TRAF3: variants seen among roughly 807,000 people sequenced by gnomAD.
TRAF3 encodes the protein TNF receptor-associated factor 3.
TRAF3 carries 13 observed loss-of-function variants against 62.3 expected under a neutral mutation model. The ratio of observed to expected loss-of-function variants is 0.21; its 90% confidence interval spans 0.14 to 0.33. The LOEUF (loss-of-function observed/expected upper bound fraction) is 0.33, where lower values mean the gene tolerates loss of function less well. Among genes scored for constraint, TRAF3 ranks in the 10% least tolerant of loss-of-function variants. The pLI is 1.00. For missense variants in TRAF3, 440 were observed against 741.8 expected (o/e 0.59, Z 4.73); for synonymous variants, 269 against 283.4 (o/e 0.95, Z 0.51).
intron 1 of TRAF3, among the ~76,000 whole-genome samples, chr14:102,779,115 C>T (rs1897163190): frequency 6.6e-6 from 1 of 152,142 alleles, no homozygotes; most frequent in South Asian, 2.1e-4. Context: ...TGACGGAAAC[C>T]CTGACAGACC....
At chr14:102,822,285 C>G (rs1246100300) in intron 1 of TRAF3, among the ~76,000 whole-genome samples, 1 of 152,060 alleles carries the variant, frequency 6.6e-6, no homozygotes, top group Non-Finnish European at 1.5e-5. Context: ...TTGGAAAAAC[C>G]ATTTCACCAT....
intron 7 of TRAF3, among the ~76,000 whole-genome samples, chr14:102,887,988 T>A (rs1889496652): frequency 6.6e-6 from 1 of 152,100 alleles, no homozygotes; most frequent in Admixed American, 6.6e-5. Flanking sequence ...TTGCCCCTAT[T>A]CCAGAGATCC....
At chr14:102,833,251 G>C (rs1885761654) in intron 2 of TRAF3, among the ~76,000 whole-genome samples, 2 of 152,200 alleles carry the variant, frequency 1.3e-5, no homozygotes, top group Admixed American at 1.3e-4. Flanking sequence ...ACTGGACACA[G>C]ACGCTTTCCT....
chr14:102,787,497 T>C (rs1052060433), intron 1 of TRAF3, among the ~76,000 whole-genome samples: 3 of 145,356 alleles, frequency 2.1e-5, no homozygotes, highest in Non-Finnish European at 4.5e-5. Flanking sequence ...GCCAACATGG[T>C]AAAACCCCAT....
chr14:102,904,293 TC>T (rs1466981054), intron 11 of TRAF3, among the ~76,000 whole-genome samples: 1 of 152,218 alleles, frequency 6.6e-6, no homozygotes, highest in Non-Finnish European at 1.5e-5. Context: ...CCTGGGCTCT[TC>T]CCTGGGAGGC....
intron 1 of TRAF3, among the ~76,000 whole-genome samples, chr14:102,821,100 A>G (rs1483184995): frequency 6.6e-6 from 1 of 152,140 alleles, no homozygotes; most frequent in Non-Finnish European, 1.5e-5. Context: ...AGCAAATATC[A>G]CTGTGTGTTC....
At chr14:102,817,092 A>T (rs56831838) in intron 1 of TRAF3, among the ~76,000 whole-genome samples, 1 of 152,156 alleles carries the variant, frequency 6.6e-6, no homozygotes, top group Non-Finnish European at 1.5e-5. Flanking sequence ...CCAAGGGCTC[A>T]GTGTTGGACC....
At chr14:102,899,867 A>T (rs984823669) in intron 10 of TRAF3, among the ~76,000 whole-genome samples, 2 of 152,144 alleles carry the variant, frequency 1.3e-5, no homozygotes, top group African/African-American at 4.8e-5. Flanking sequence ...CTTCTTAAAT[A>T]TCCTGTTTTT....
intron 1 of TRAF3, among the ~76,000 whole-genome samples, chr14:102,784,233 T>C: frequency 1.1e-5 from 1 of 93,052 alleles, no homozygotes; most frequent in South Asian, 4.6e-4. Context: ...TTTTTTTTTT[T>C]TTTTTTTTTG....
intron 1 of TRAF3, among the ~76,000 whole-genome samples, chr14:102,828,754 A>G (rs1265326331): frequency 6.6e-6 from 1 of 152,216 alleles, no homozygotes; most frequent in Non-Finnish European, 1.5e-5. Flanking sequence ...GACTTATCTT[A>G]TTTAGTCTTG....
At chr14:102,865,036 C>T (rs1019783824) in intron 2 of TRAF3, among the ~76,000 whole-genome samples, 5 of 152,178 alleles carry the variant, frequency 3.3e-5, no homozygotes, top group African/African-American at 9.7e-5. Flanking sequence ...GGACTTAAGA[C>T]ATCATGTCTA....
intron 10 of TRAF3, among the ~76,000 whole-genome samples, chr14:102,898,220 A>G (rs1234102615): frequency 1.3e-5 from 2 of 152,252 alleles, no homozygotes; most frequent in African/African-American, 4.8e-5. Context: ...GATGAGTCAT[A>G]GTGACTTGAA....
intron 6 of TRAF3, among the ~76,000 whole-genome samples, chr14:102,877,625 C>T (rs983618113): frequency 1.4e-5 from 2 of 147,808 alleles, no homozygotes; most frequent in Non-Finnish European, 3.0e-5. Flanking sequence ...ACAGGCCTTC[C>T]GCTCAGCTCA....
At position 102,781,690 on chromosome 14, in the gene TRAF3, G is replaced by A. The variant is rs185609367; in HGVS notation, c.-157+4015G>A. On this transcript the variant is annotated intron_variant, in intron 1 of 11. Coordinates refer to ENST00000392745, the MANE Select transcript of TRAF3 (RefSeq NM_145725.3). ...TGCCCACGCTGGAGTGCAGTGGCCCGATCTCGGCTTGCTGCAACCTCCGCC... is the reference window on the plus strand; with the variant it reads ...TGCCCACGCTGGAGTGCAGTGGCCCAATCTCGGCTTGCTGCAACCTCCGCC... Among the ~76,000 whole-genome samples the A allele has an allele frequency of 2.8e-3, 426 of 151,760 alleles. 2 individuals are homozygous for A. Among genetic ancestry groups the A allele is most frequent in the Non-Finnish European group, 4.4e-3 (302 of 67,904 alleles).
chr14:102,809,649 G>A (rs1030947992), intron 1 of TRAF3, among the ~76,000 whole-genome samples: 6 of 147,450 alleles, frequency 4.1e-5, no homozygotes, highest in African/African-American at 1.5e-4. Flanking sequence ...TCTCCTGTCT[G>A]TCTCCTGAGT....
At chr14:102,838,500 A>G (rs186222649) in intron 2 of TRAF3, among the ~76,000 whole-genome samples, 27 of 152,348 alleles carry the variant, frequency 1.8e-4, no homozygotes, top group Admixed American at 1.4e-3. Flanking sequence ...CCTGCTAGGC[A>G]TTGAGACTAC....
intron 2 of TRAF3, among the ~76,000 whole-genome samples, chr14:102,856,225 G>C (rs1323237766): frequency 6.6e-6 from 1 of 151,306 alleles, no homozygotes; most frequent in East Asian, 1.9e-4. Context: ...AAGGAATAAA[G>C]AATGGCTATT....
Position 102,903,296 on chromosome 14 carries a change from C to T in TRAF3, c.1002C>T (p.Asp334=), listed in dbSNP as rs550733180. The change falls in exon 11 of 12, where the codon GAC becomes GAT. Residue 334 remains aspartate (D), a synonymous_variant. Transcript: ENST00000392745. The surrounding 1 kb of genome is among the most constrained non-coding windows in gnomAD (Gnocchi z 6.4). ...AAGCAGAGAAACTGAAGGAGCTTGACAAGGAGATCCGGCCCTTCCGGCAGA... is the reference window on the plus strand; with the variant it reads ...AAGCAGAGAAACTGAAGGAGCTTGATAAGGAGATCCGGCCCTTCCGGCAGA... The part of the protein sequence containing the change: ...DSQAEKLKEL[D]KEIRPFRQNW... The T allele has an allele frequency of 6.2e-7, 1 of 1,614,222 alleles. No homozygotes were observed. Among genetic ancestry groups the T allele is most frequent in the Admixed American group, 1.7e-5 (1 of 60,030 alleles).
chr14:102,869,051 C>G (rs956944595), intron 2 of TRAF3, among the ~76,000 whole-genome samples: 2 of 152,200 alleles, frequency 1.3e-5, no homozygotes, highest in African/African-American at 4.8e-5. Flanking sequence ...CCAGCCCAGC[C>G]CTTGGGCACA....
Sources: gnomAD v4.1 joint callset for allele counts (sites outside exome capture counted in the v4.1 genomes callset) on GRCh38, gnomAD v4.1.1 for gene constraint, Gnocchi (gnomAD v3.1) non-coding constraint, MANE v1.5 for transcripts, NCBI Gene and HGNC (gene_info 2026-07-23, HGNC 2026-07-21) for gene names.